Variants in ZBTB38 observed in about 807,000 individuals in gnomAD.
The protein encoded by ZBTB38 is zinc finger and BTB domain-containing protein 38.
Under a neutral mutation model 76.8 loss-of-function variants are expected in ZBTB38, and 20 were observed. The observed-to-expected ratio is 0.26, with a 90% CI of 0.18 to 0.38. The LOEUF (loss-of-function observed/expected upper bound fraction) is 0.38. Ranked by LOEUF, ZBTB38 falls within the 10% of genes least tolerant of loss-of-function variation. ZBTB38 has a pLI of 1.00. For synonymous variants in ZBTB38, 504 were observed against 544.2 expected (o/e 0.93, Z 1.03); for missense variants, 1,082 against 1,482.3 (o/e 0.73, Z 4.43).
upstream of ZBTB38, chr3:141,367,329 A>T (rs911763203): frequency 1.3e-5 from 2 of 151,412 alleles, no homozygotes; most frequent in African/African-American, 4.9e-5. Flanking sequence ...CGTCCATCCG[A>T]CCTCCCTAGT....
chr3:141,337,011 T>A (rs1358385940), intron 1 of ZBTB38, among the ~76,000 whole-genome samples: 1 of 152,244 alleles, frequency 6.6e-6, no homozygotes, highest in Admixed American at 6.5e-5. Context: ...ACATAACACA[T>A]TCTCTTTGCA....
At chr3:141,420,012 A>G (rs2075002406) in intron 5 of ZBTB38, among the ~76,000 whole-genome samples, 1 of 152,148 alleles carries the variant, frequency 6.6e-6, no homozygotes, top group African/African-American at 2.4e-5. Context: ...TGCAAATGGT[A>G]CAAGGCTACA....
chr3:141,444,514 A>G lies in ZBTB38; in HGVS notation c.2126A>G (p.Tyr709Cys). Residue 709 changes from tyrosine to cysteine, a missense_variant, in exon 6 of 6, where the codon TAC becomes TGC. Physicochemically the swap from Tyr to Cys is radical, Grantham distance 194. Transcript: ENST00000321464. The surrounding 1 kb of genome is among the most constrained non-coding windows in gnomAD (Gnocchi z 5.1). ...GAGAATGCCGCCTCTGTGATCAGCT[A>G]CAGTGGCTCTGCACCCTCGGTCATT... is the stretch of plus-strand genomic sequence containing the variant. Reference protein sequence around the residue: ...SSENAASVISYSGSAPSVIVH... With the variant: ...SSENAASVISCSGSAPSVIVH... 1.2e-6 allele frequency: 2 copies of G among 1,614,148 alleles called. No individual in the cohort carries two copies. The highest frequency in any genetic ancestry group is 2.2e-5 in the East Asian group (1 of 44,886).
chr3:141,342,749 A>G (rs1240564025), intron 1 of ZBTB38, among the ~76,000 whole-genome samples: 1 of 139,122 alleles, frequency 7.2e-6, no homozygotes, highest in South Asian at 2.2e-4. Context: ...TTTTTTTTTA[A>G]TGCACAGATC....
At chr3:141,430,096 G>A (rs1416276263) in intron 5 of ZBTB38, among the ~76,000 whole-genome samples, 1 of 151,982 alleles carries the variant, frequency 6.6e-6, no homozygotes, top group Non-Finnish European at 1.5e-5. Flanking sequence ...ACAGAGTTTC[G>A]CTCTTGTCAC....
intron 1 of ZBTB38, among the ~76,000 whole-genome samples, chr3:141,363,125 G>A (rs1002660951): frequency 1.1e-4 from 17 of 152,172 alleles, no homozygotes; most frequent in African/African-American, 1.2e-4. Flanking sequence ...TCTTAAGTCC[G>A]TGAGCATAGA....
In ZBTB38 at chr3:141,442,348, C is replaced by A. The variant is rs2080468355; in HGVS notation, c.1-41C>A. ...AATAGTCTAGAGATAAAGAAGCCACCTGTGGAAGATTATCTGACCATTTCT... is the reference window on the plus strand; with the variant it reads ...AATAGTCTAGAGATAAAGAAGCCACATGTGGAAGATTATCTGACCATTTCT... On this transcript the variant is annotated intron_variant, in intron 5 of 5. Transcript: ENST00000321464. The surrounding 1 kb of genome is among the most constrained non-coding windows in gnomAD (Gnocchi z 6.4). 1 of 1,459,816 alleles carries A rather than the reference C, an allele frequency of 6.9e-7. No homozygotes were observed. Among genetic ancestry groups the A allele is most frequent in the Non-Finnish European group, 9.4e-7 (1 of 1,064,396 alleles). The allele number at this position is 1,459,816 out of a possible 1,614,324, so 90.4% of individuals were successfully genotyped here. A position where few individuals can be genotyped will look rare whatever the true frequency, so the allele number is the denominator to read the frequency against.
intron 5 of ZBTB38, among the ~76,000 whole-genome samples, chr3:141,439,785 G>C (rs2079679295): frequency 6.6e-6 from 1 of 152,208 alleles, no homozygotes; most frequent in Non-Finnish European, 1.5e-5. Context: ...TGTTTTGTCA[G>C]ATCTGAAGCT....
chr3:141,437,258 T>C (rs1426329380), intron 5 of ZBTB38, among the ~76,000 whole-genome samples: 1 of 152,216 alleles, frequency 6.6e-6, no homozygotes, highest in Non-Finnish European at 1.5e-5. Flanking sequence ...TCTGTCTCTT[T>C]CTGCCTGAAG....
In ZBTB38 at chr3:141,442,325, T is replaced by C; in HGVS notation, c.1-64T>C. The C allele has an allele frequency of 8.2e-7, 1 of 1,222,748 alleles. No homozygotes were observed. Among genetic ancestry groups the C allele is most frequent in the South Asian group, 1.5e-5 (1 of 68,428 alleles). The allele number at this position is 1,222,748 out of a possible 1,614,324, so 75.7% of individuals were successfully genotyped here. A position where few individuals can be genotyped will look rare whatever the true frequency, so the allele number is the denominator to read the frequency against. ...AACAGTTTTTCACAGAAGTGGAAAATAGTCTAGAGATAAAGAAGCCACCTG... is the reference window on the plus strand; with the variant it reads ...AACAGTTTTTCACAGAAGTGGAAAACAGTCTAGAGATAAAGAAGCCACCTG... On this transcript the variant is annotated intron_variant, in intron 5 of 5. Coordinates refer to ENST00000321464, the MANE Select transcript of ZBTB38 (RefSeq NM_001376113.1). This position sits in a 1 kb window ranked among gnomAD's most constrained non-coding sequence, Gnocchi z 6.4.
In ZBTB38 at chr3:141,445,401, C is replaced by G. The variant is rs772787961; in HGVS notation, c.3013C>G (p.Leu1005Val). The change falls in exon 6 of 6, where the codon CTT (leucine) becomes GTT (valine). Residue 1005 changes from leucine (L) to valine (V), a missense_variant. By Grantham distance (32) the Leu-to-Val change is conservative. Around this residue, in one of 8 missense-constraint regions of ZBTB38, gnomAD observed 471 missense variants for 581.0 expected, o/e 0.81. Transcript: ENST00000321464. The surrounding 1 kb of genome is among the most constrained non-coding windows in gnomAD (Gnocchi z 6.5). ...AGNQGRPHRHLTSRPYACELC... is the reference protein window; with the variant it reads ...AGNQGRPHRHVTSRPYACELC... ...AAACCAAGGAAGGCCCCACCGACATCTTACTTCTCGGCCATATGCCTGCGA... is the reference window on the plus strand; with the variant it reads ...AAACCAAGGAAGGCCCCACCGACATGTTACTTCTCGGCCATATGCCTGCGA... 2 of 1,614,178 alleles carry G rather than the reference C, an allele frequency of 1.2e-6. No homozygotes were observed. Among genetic ancestry groups the G allele is most frequent in the East Asian group, 2.2e-5 (1 of 44,872 alleles).
chr3:141,438,284 G>A lies in ZBTB38; in HGVS notation c.1-4105G>A, dbSNP rs539936426. On this transcript the variant is annotated intron_variant, in intron 5 of 5. Coordinates refer to ENST00000321464, the MANE Select transcript of ZBTB38 (RefSeq NM_001376113.1). Reference sequence around the variant, plus strand: ...GTTGCCCAGGCTGGAGTACAATGGCGCAATCTTGGCTCACCACAACCTCCG... The same window carrying A: ...GTTGCCCAGGCTGGAGTACAATGGCACAATCTTGGCTCACCACAACCTCCG... 10 of 150,196 alleles carry A rather than the reference G, an allele frequency of 6.7e-5. No individual in the cohort carries two copies. In the East Asian group the frequency reaches 7.8e-4, roughly 12 times the overall value. 9.3% of individuals were successfully genotyped at this position (150,196 alleles called of 1,614,324 possible). A position where few individuals can be genotyped will look rare whatever the true frequency, so the allele number is the denominator to read the frequency against.
intron 4 of ZBTB38, among the ~76,000 whole-genome samples, chr3:141,401,486 A>G (rs1951924835): frequency 1.3e-5 from 2 of 152,164 alleles, no homozygotes; most frequent in South Asian, 2.1e-4. Context: ...ATTGGAATCT[A>G]TTCATCAAGT....
At chr3:141,407,460 T>C (rs1181167376) in intron 5 of ZBTB38, among the ~76,000 whole-genome samples, 2 of 152,250 alleles carry the variant, frequency 1.3e-5, no homozygotes, top group Admixed American at 1.3e-4. Context: ...TTAATATTGG[T>C]TCCCTTCCCC....
At chr3:141,387,683 T>C (rs1325232516) in intron 4 of ZBTB38, 2 of 152,260 alleles carry the variant, frequency 1.3e-5, no homozygotes, top group African/African-American at 2.4e-5. Flanking sequence ...AAACTTCTTT[T>C]TTCAATCCTG....
intron 4 of ZBTB38, chr3:141,402,401 C>T (rs1952392352): frequency 6.6e-6 from 1 of 151,568 alleles, no homozygotes; most frequent in Admixed American, 6.6e-5. Context: ...GGTCCGGAAG[C>T]ACCATGGACC....
rs762059072 is a variant in ZBTB38 at position 141,444,825 on chromosome 3, A to G, written c.2437A>G (p.Ser813Gly). The G allele has an allele frequency of 6.2e-7, 1 of 1,614,096 alleles. No individual in the cohort carries two copies. The highest frequency in any genetic ancestry group is 8.5e-7 in the Non-Finnish European group (1 of 1,180,050). ...AACCACAAATATTGCTGAAGAAACC[A>G]GCAAAATTGAAACCTACATTGCAAA... ...SKTTNIAEET[S>G]KIETYIAKPA... is the part of the protein sequence containing the mutation. The change falls in exon 6 of 6, where the codon AGC becomes GGC. Residue 813 changes from serine (S) to glycine (G), a missense_variant. Physicochemically the swap from Ser to Gly is moderately conservative, Grantham distance 56 (BLOSUM62 0). Around this residue, in one of 8 missense-constraint regions of ZBTB38, gnomAD observed 471 missense variants for 581.0 expected, o/e 0.81. Coordinates refer to ENST00000321464, the MANE Select transcript of ZBTB38 (RefSeq NM_001376113.1). The surrounding 1 kb of genome is among the most constrained non-coding windows in gnomAD (Gnocchi z 5.1).
At chr3:141,365,424 G>A (rs1263825137), upstream of ZBTB38, among the ~76,000 whole-genome samples, 1 of 152,062 alleles carries the variant, frequency 6.6e-6, no homozygotes, top group African/African-American at 2.4e-5. Context: ...ACATTACATG[G>A]CAAGGTGGCT....
At position 141,448,516 on chromosome 3, in the gene ZBTB38, G is replaced by A. The variant is rs1036868477; in HGVS notation, c.*2540G>A. ...GAGTACATGACCAACTAGAATTAAA[G>A]TAAGTGTAAACAGTGAACATACTGT... On this transcript the variant is annotated 3_prime_UTR_variant, in exon 6 of 6. Transcript: ENST00000321464. 1.0e-4 allele frequency: 16 copies of A among 152,538 alleles called. No homozygotes were observed. The highest frequency in any genetic ancestry group is 3.9e-4 in the African/African-American group (16 of 41,440). 9.4% of individuals were successfully genotyped at this position (152,538 alleles called of 1,614,324 possible).
Sources: gnomAD v4.1 joint callset for allele counts (sites outside exome capture counted in the v4.1 genomes callset) on GRCh38, gnomAD v4.1.1 for gene constraint, gnomAD v4.1.1 regional missense constraint, Gnocchi (gnomAD v3.1) non-coding constraint, MANE v1.5 for transcripts, NCBI Gene and HGNC (gene_info 2026-07-23, HGNC 2026-07-21) for gene names.